The following CD38 variants were observed in gnomAD, a reference collection of about 807,000 sequenced individuals.
The protein encoded by CD38 is CD38 molecule, also known as ADP-ribosyl cyclase/cyclic ADP-ribose hydrolase 1.
CD38 carries 31 observed loss-of-function variants against 36.3 expected under a neutral mutation model. That is an observed-to-expected ratio of 0.85 (90% CI 0.64 to 1.15). CD38 has a LOEUF of 1.15. Ranked by LOEUF, CD38 falls within the 50% of genes most tolerant of loss-of-function variation. The pLI is 0.00. For missense variants in CD38, 380 were observed against 371.9 expected (o/e 1.02, Z -0.18); for synonymous variants, 131 against 135.2 (o/e 0.97, Z 0.22).
intron 1 of CD38, among the ~76,000 whole-genome samples, chr4:15,800,692 A>C (rs1324711531): frequency 2.6e-5 from 4 of 152,308 alleles, no homozygotes; most frequent in African/African-American, 9.6e-5. Context: ...GGGTCAATGA[A>C]GAAATTAAGA....
intron 1 of CD38, among the ~76,000 whole-genome samples, chr4:15,794,335 A>G (rs1056130199): frequency 6.6e-6 from 1 of 152,228 alleles, no homozygotes; most frequent in Non-Finnish European, 1.5e-5. Flanking sequence ...GGGTTGGAAC[A>G]TAACCCTGGC....
At chr4:15,818,622 G>A (rs531017657) in intron 2 of CD38, among the ~76,000 whole-genome samples, 4 of 152,296 alleles carry the variant, frequency 2.6e-5, no homozygotes, top group East Asian at 1.9e-4. Flanking sequence ...GCATCAGGCC[G>A]GTGCCCCTCT....
intron 1 of CD38, among the ~76,000 whole-genome samples, chr4:15,789,078 A>T (rs950525568): frequency 2.0e-5 from 3 of 152,212 alleles, no homozygotes; most frequent in Non-Finnish European, 4.4e-5. Context: ...TTCTTGGTAA[A>T]CCTGGCAAAC....
In CD38 at chr4:15,799,678, G is replaced by T. The variant is rs113195635; in HGVS notation, c.234-16833G>T. ...AGTCACTTTTTGGATACAATGAATA[G>T]AGGTTCTATGAACATTAGTGTACAA... is the stretch of plus-strand genomic sequence containing the variant. On this transcript the variant is annotated intron_variant, in intron 1 of 7. Coordinates refer to ENST00000226279, the MANE Select transcript of CD38 (RefSeq NM_001775.4). Among the ~76,000 whole-genome samples, 1,098 of 152,240 alleles carry T rather than the reference G, an allele frequency of 7.2e-3. 17 individuals are homozygous for T. The highest frequency in any genetic ancestry group is 0.025 in the African/African-American group (1,039 of 41,540).
chr4:15,785,432 G>A (rs1441334531), intron 1 of CD38, among the ~76,000 whole-genome samples: 1 of 152,156 alleles, frequency 6.6e-6, no homozygotes, highest in Non-Finnish European at 1.5e-5. Flanking sequence ...ACTGTTCCCA[G>A]CAAGGTCAGT....
chr4:15,785,512 G>C (rs771100128), intron 1 of CD38, among the ~76,000 whole-genome samples: 1 of 151,262 alleles, frequency 6.6e-6, no homozygotes, highest in East Asian at 1.9e-4. Context: ...AGCAGTGGTG[G>C]TGTTCAGCCT....
At chr4:15,832,987 A>G (rs937278386) in intron 3 of CD38, among the ~76,000 whole-genome samples, 2 of 152,208 alleles carry the variant, frequency 1.3e-5, no homozygotes, top group Non-Finnish European at 2.9e-5. Flanking sequence ...AAGGCAAAGG[A>G]GCCTCACCTC....
chr4:15,841,050 A>C (rs2148928838), intron 7 of CD38, among the ~76,000 whole-genome samples: 1 of 152,304 alleles, frequency 6.6e-6, no homozygotes, highest in South Asian at 2.1e-4. Flanking sequence ...TAAAAAAAAA[A>C]GTATTTACAA....
rs560134404 is a variant in CD38, at chr4:15,839,415, C to CTTTTTTTTT, written c.660-593_660-585dup. Among the ~76,000 whole-genome samples, 27 of 88,066 alleles carry CTTTTTTTTT rather than the reference C, an allele frequency of 3.1e-4. 2 individuals carry two copies. Among genetic ancestry groups the CTTTTTTTTT allele is most frequent in the African/African-American group, 1.2e-3 (24 of 19,922 alleles). 57.8% of individuals were successfully genotyped at this position (88,066 alleles called of 152,430 possible). A position where few individuals can be genotyped will look rare whatever the true frequency, so the allele number is the denominator to read the frequency against. On this transcript the variant is annotated intron_variant, in intron 5 of 7. Coordinates refer to ENST00000226279, the MANE Select transcript of CD38 (RefSeq NM_001775.4). ...TTATAGTGGTTGAAATTCTACATTT[C>CTTTTTTTTT]TTTTTTTTTTTTTTTTTTTTTTTTT...
At chr4:15,795,971 G>C (rs996147975) in intron 1 of CD38, among the ~76,000 whole-genome samples, 3 of 152,004 alleles carry the variant, frequency 2.0e-5, no homozygotes, top group Non-Finnish European at 4.4e-5. Context: ...AAAGTTATTT[G>C]TGAATTTGGC....
intron 7 of CD38, among the ~76,000 whole-genome samples, chr4:15,841,903 G>T (rs1469993211): frequency 7.8e-6 from 1 of 128,376 alleles, no homozygotes; most frequent in Non-Finnish European, 1.6e-5. Context: ...TGGCTCAGAG[G>T]GTCCTACGCC....
chr4:15,817,112 G>A (rs915917716), intron 2 of CD38, among the ~76,000 whole-genome samples: 9 of 152,104 alleles, frequency 5.9e-5, no homozygotes, highest in Admixed American at 6.5e-5. Flanking sequence ...CTCTGGAATG[G>A]GCACATCAGG....
intron 1 of CD38, among the ~76,000 whole-genome samples, chr4:15,795,632 A>C (rs1445083173): frequency 6.6e-6 from 1 of 152,122 alleles, no homozygotes; most frequent in Non-Finnish European, 1.5e-5. Context: ...GAGATCCACA[A>C]AAGGAAGATA....
intron 2 of CD38, among the ~76,000 whole-genome samples, chr4:15,824,143 G>C (rs192983308): frequency 6.6e-6 from 1 of 152,094 alleles, no homozygotes; most frequent in African/African-American, 2.4e-5. Flanking sequence ...ACTGTAGCTT[G>C]TTGGGGTTGG....
chr4:15,792,779 C>T (rs1181416421), intron 1 of CD38, among the ~76,000 whole-genome samples: 1 of 152,168 alleles, frequency 6.6e-6, no homozygotes, highest in African/African-American at 2.4e-5. Flanking sequence ...CATCATCCTA[C>T]CTGACACAAC....
chr4:15,835,363 C>CTT (rs35143834), intron 4 of CD38, among the ~76,000 whole-genome samples: 35 of 57,718 alleles, frequency 6.1e-4, no homozygotes, highest in Non-Finnish European at 6.5e-4. Flanking sequence ...GACAGGAATA[C>CTT]TTTTTTTTTT....
At chr4:15,780,426 A>G (rs1169203677) in intron 1 of CD38, among the ~76,000 whole-genome samples, 1 of 151,196 alleles carries the variant, frequency 6.6e-6, no homozygotes, top group African/African-American at 2.4e-5. Flanking sequence ...TTTTTCTGTG[A>G]TTTTCCTGTC....
At chr4:15,783,292 G>A (rs760567763) in intron 1 of CD38, among the ~76,000 whole-genome samples, 1 of 152,206 alleles carries the variant, frequency 6.6e-6, no homozygotes, top group Non-Finnish European at 1.5e-5. Context: ...TGGAGAGCCA[G>A]CACCTAGGGG....
At chr4:15,779,079 G>A (rs1020115368) in intron 1 of CD38, among the ~76,000 whole-genome samples, 6 of 152,176 alleles carry the variant, frequency 3.9e-5, no homozygotes, top group African/African-American at 1.2e-4. Context: ...TCCGCCCGCT[G>A]TCTCTGACCC....
Sources: allele counts gnomAD v4.1 joint callset (sites outside exome capture counted in the v4.1 genomes callset), GRCh38; gene constraint gnomAD v4.1.1; transcripts MANE v1.5; gene names NCBI Gene and HGNC (gene_info 2026-07-23, HGNC 2026-07-21).